The following ASTN2 variants were observed in gnomAD, a reference collection of about 807,000 sequenced individuals.
ASTN2 encodes the protein astrotactin 2, also known as astrotactin-2.
A neutral mutation model predicts 139.8 loss-of-function variants in ASTN2; 54 were observed. The ratio of observed to expected loss-of-function variants is 0.39; its 90% CI spans 0.31 to 0.48. The LOEUF (loss-of-function observed/expected upper bound fraction) is 0.48, where lower values mean the gene tolerates loss of function less well. Among genes scored for constraint, ASTN2 ranks in the 20% least tolerant of loss-of-function variants. The probability of loss-of-function intolerance (pLI) is 0.95; values close to 1 mark genes in which losing one functional copy is unlikely to be tolerated. For synonymous variants in ASTN2, 756 were observed against 719.5 expected (o/e 1.05, Z -0.81); for missense variants, 1,565 against 1,725.1 (o/e 0.91, Z 1.64).
At chr9:116,684,958 A>G (rs1233357690) in intron 16 of ASTN2, among the ~76,000 whole-genome samples, 1 of 152,194 alleles carries the variant, frequency 6.6e-6, no homozygotes, top group East Asian at 1.9e-4. Flanking sequence ...TGTAGTTCAT[A>G]GTTTAAACAA....
At chr9:117,325,215 G>A (rs766326820) in intron 1 of ASTN2, among the ~76,000 whole-genome samples, 3 of 152,142 alleles carry the variant, frequency 2.0e-5, no homozygotes, top group Non-Finnish European at 4.4e-5. Context: ...CTAGACTCTG[G>A]CCAGTCCAAC....
intron 10 of ASTN2, among the ~76,000 whole-genome samples, chr9:116,948,781 T>G (rs1835469822): frequency 5.0e-5 from 6 of 120,312 alleles, no homozygotes; most frequent in Admixed American, 1.0e-4. Flanking sequence ...AGAAATAATT[T>G]GGTGTTTTTT....
At chr9:117,158,578 G>A (rs1830479633) in intron 3 of ASTN2, among the ~76,000 whole-genome samples, 1 of 152,028 alleles carries the variant, frequency 6.6e-6, no homozygotes, top group Non-Finnish European at 1.5e-5. Flanking sequence ...AAATGTCATG[G>A]CATGAATAAA....
intron 19 of ASTN2, among the ~76,000 whole-genome samples, chr9:116,508,473 T>TGTGTGA (rs1411645772): frequency 2.0e-5 from 3 of 151,976 alleles, no homozygotes; most frequent in African/African-American, 4.8e-5. Flanking sequence ...GGTAGAAGTG[T>TGTGTGA]GTGTGAGTGT....
chr9:116,978,494 C>T (rs1011184615), intron 7 of ASTN2, among the ~76,000 whole-genome samples: 40 of 129,646 alleles, frequency 3.1e-4, no homozygotes, highest in African/African-American at 1.0e-3. Context: ...CTCTCTCTCA[C>T]GCACACACAC....
intron 19 of ASTN2, among the ~76,000 whole-genome samples, chr9:116,533,556 A>AT (rs773238698): frequency 6.6e-5 from 10 of 152,102 alleles, no homozygotes; most frequent in Non-Finnish European, 2.9e-5. Context: ...ATTTACTGAG[A>AT]TTTTTTAGCA....
At chr9:116,546,219 T>C (rs1157272992) in intron 19 of ASTN2, 3 of 152,176 alleles carry the variant, frequency 2.0e-5, no homozygotes, top group African/African-American at 7.2e-5. Flanking sequence ...CTCATAGAAA[T>C]GACGTGAAAA....
chr9:117,168,610 G>T (rs1248858545), intron 3 of ASTN2, among the ~76,000 whole-genome samples: 1 of 152,098 alleles, frequency 6.6e-6, no homozygotes, highest in East Asian at 1.9e-4. Flanking sequence ...CCGATTTCCA[G>T]ACACATATGC....
chr9:116,454,810 G>A (rs1227606725), intron 20 of ASTN2, among the ~76,000 whole-genome samples: 4 of 152,156 alleles, frequency 2.6e-5, no homozygotes, highest in African/African-American at 9.7e-5. Flanking sequence ...AGCATCGCAT[G>A]TTCTCACTCA....
chr9:117,239,999 T>G (rs62564707), intron 2 of ASTN2, among the ~76,000 whole-genome samples: 37,572 of 152,144 alleles, frequency 0.25, 5,519 homozygotes, highest in South Asian at 0.34. Flanking sequence ...ACCCATTTTA[T>G]GTCAAAAACA....
At chr9:116,490,637 G>A (rs777122688) in intron 19 of ASTN2, among the ~76,000 whole-genome samples, 1 of 152,174 alleles carries the variant, frequency 6.6e-6, no homozygotes, top group Non-Finnish European at 1.5e-5. Context: ...CATGGCGGAA[G>A]GCACCTCTTC....
chr9:117,092,011 G>A (rs1163120405), intron 5 of ASTN2, among the ~76,000 whole-genome samples: 1 of 152,132 alleles, frequency 6.6e-6, no homozygotes, highest in African/African-American at 2.4e-5. Context: ...AGAAGTTGAA[G>A]TTATAAAGGA....
intron 1 of ASTN2, among the ~76,000 whole-genome samples, chr9:117,320,170 C>A (rs1419734063): frequency 1.3e-5 from 2 of 152,136 alleles, no homozygotes; most frequent in Non-Finnish European, 2.9e-5. Context: ...AAAACTGAGG[C>A]TTAGCAGCAG....
At chr9:116,808,517 G>A (rs1167799751) in intron 12 of ASTN2, among the ~76,000 whole-genome samples, 1 of 151,968 alleles carries the variant, frequency 6.6e-6, no homozygotes, top group Non-Finnish European at 1.5e-5. Flanking sequence ...TTTCTTAATG[G>A]TTATTTGGCA....
At chr9:116,631,323 CATAA>C (rs1856735040) in intron 17 of ASTN2, among the ~76,000 whole-genome samples, 1 of 152,046 alleles carries the variant, frequency 6.6e-6, no homozygotes, top group Admixed American at 6.5e-5. Flanking sequence ...CCTAAGTGTC[CATAA>C]ATAAATGCAT....
At chr9:116,827,810 T>C (rs1831679459) in intron 11 of ASTN2, among the ~76,000 whole-genome samples, 1 of 151,776 alleles carries the variant, frequency 6.6e-6, no homozygotes, top group African/African-American at 2.4e-5. Flanking sequence ...CTACCAAACA[T>C]CCAAAGAAAA....
intron 16 of ASTN2, among the ~76,000 whole-genome samples, chr9:116,684,167 C>T (rs1317138520): frequency 6.6e-6 from 1 of 152,162 alleles, no homozygotes; most frequent in African/African-American, 2.4e-5. Context: ...CTTTTAAAAA[C>T]TCTTATCTGA....
intron 20 of ASTN2, among the ~76,000 whole-genome samples, chr9:116,486,672 A>G (rs1260242490): frequency 6.6e-6 from 1 of 152,202 alleles, no homozygotes; most frequent in Non-Finnish European, 1.5e-5. Context: ...GCTCTATGTT[A>G]TAGCTTATGA....
In ASTN2 at chr9:116,699,644, C is replaced by G; in HGVS notation, c.2806+26127G>C. 6.2e-7 allele frequency: 1 copy of G among 1,614,148 alleles called. No homozygotes were observed. Among genetic ancestry groups the G allele is most frequent in the Non-Finnish European group, 8.5e-7 (1 of 1,180,016 alleles). On this transcript the variant is annotated intron_variant, in intron 16 of 22. Coordinates refer to ENST00000313400, the MANE Select transcript of ASTN2 (RefSeq NM_001365068.1). The surrounding 1 kb of genome is among the most constrained non-coding windows in gnomAD (Gnocchi z 4.2). ...CTAAGGGGCAGCTGCTGGTCTTGGA[C>G]TGTTGGGATCATTGCATCAAGATCT...
Sources: allele counts gnomAD v4.1 joint callset (sites outside exome capture counted in the v4.1 genomes callset), GRCh38; gene constraint gnomAD v4.1.1; non-coding constraint Gnocchi (gnomAD v3.1); transcripts MANE v1.5; gene names NCBI Gene and HGNC (gene_info 2026-07-23, HGNC 2026-07-21).